SPATA6: variants seen among roughly 807,000 people sequenced by gnomAD.
SPATA6 encodes the protein spermatogenesis associated 6.
Under a neutral mutation model 65.3 loss-of-function variants are expected in SPATA6, and 56 were observed. That is an observed-to-expected ratio of 0.86 (90% CI 0.69 to 1.07). The LOEUF (loss-of-function observed/expected upper bound fraction) is 1.07. SPATA6 is among the 50% of genes least tolerant of loss of function. The pLI is 0.00. For missense variants in SPATA6, 590 were observed against 594.8 expected, an observed-to-expected ratio of 0.99 and a Z score of 0.08; for synonymous variants, 199 against 213.2, an observed-to-expected ratio of 0.93 and a Z score of 0.58.
At chr1:48,403,931 A>G (rs1173857396) in intron 5 of SPATA6, 49 bp from the exon 6 acceptor site, 1 of 1,280,752 alleles carries the variant, frequency 7.8e-7, no homozygotes, top group Non-Finnish European at 1.1e-6. Context: ...TTAAATAGAG[A>G]TAATTATTAA....
chr1:48,379,587 C>T (rs1169358086), intron 9 of SPATA6, among the ~76,000 whole-genome samples: 2 of 152,040 alleles, frequency 1.3e-5, no homozygotes, highest in Non-Finnish European at 2.9e-5. Flanking sequence ...AATGATATAT[C>T]ATATACTTGA....
chr1:48,264,408 T>C, the SPATA6 span, among the ~76,000 whole-genome samples: 1 of 152,190 alleles, frequency 6.6e-6, no homozygotes, highest in Admixed American at 6.5e-5. Flanking sequence ...CTGGGATGCA[T>C]GTGCAGAACA....
chr1:48,286,058 G>C, the SPATA6 span, among the ~76,000 whole-genome samples: 1 of 152,126 alleles, frequency 6.6e-6, no homozygotes, highest in Non-Finnish European at 1.5e-5. Context: ...GGATTACACT[G>C]TTTTGTTTAT....
chr1:48,333,418 G>A (rs1035486059), intron 11 of SPATA6, among the ~76,000 whole-genome samples: 2 of 152,170 alleles, frequency 1.3e-5, no homozygotes, highest in Non-Finnish European at 2.9e-5. Flanking sequence ...CTCAGAATGA[G>A]CCACTACTGG....
intron 3 of SPATA6, among the ~76,000 whole-genome samples, chr1:48,424,568 T>C (rs12141217): frequency 0.078 from 11,844 of 152,274 alleles, 622 homozygotes; most frequent in East Asian, 0.23. Context: ...CTCCACACTG[T>C]TCTCCACAGT....
At chr1:48,426,063 A>C (rs1653806242) in intron 3 of SPATA6, among the ~76,000 whole-genome samples, 1 of 152,234 alleles carries the variant, frequency 6.6e-6, no homozygotes, top group Admixed American at 6.5e-5. Flanking sequence ...GTGGGACAAG[A>C]TACTTGAAAC....
the SPATA6 span, among the ~76,000 whole-genome samples, chr1:48,273,095 T>C: frequency 6.6e-6 from 1 of 152,228 alleles, no homozygotes; most frequent in African/African-American, 2.4e-5. Flanking sequence ...TTGTTTGCTA[T>C]ACAGAAGCTT....
chr1:48,269,809 T>C, the SPATA6 span, among the ~76,000 whole-genome samples: 1 of 151,330 alleles, frequency 6.6e-6, no homozygotes, highest in African/African-American at 2.4e-5. Context: ...AATATACATT[T>C]GGTATATAAA....
At chr1:48,317,134 T>C (rs1001673364) in intron 11 of SPATA6, among the ~76,000 whole-genome samples, 1 of 152,200 alleles carries the variant, frequency 6.6e-6, no homozygotes, top group African/African-American at 2.4e-5. Context: ...TCCTCAGGGA[T>C]CTAGAACTAG....
intron 11 of SPATA6, among the ~76,000 whole-genome samples, chr1:48,310,735 A>T (rs1352144809): frequency 6.6e-6 from 1 of 152,170 alleles, no homozygotes; most frequent in African/African-American, 2.4e-5. Context: ...AATCAACCAG[A>T]CCTAACAACA....
chr1:48,431,590 A>G (rs559701356), intron 3 of SPATA6, among the ~76,000 whole-genome samples: 67 of 152,356 alleles, frequency 4.4e-4, no homozygotes, highest in Non-Finnish European at 9.0e-4. Flanking sequence ...ATATTCTCTA[A>G]CCACAATGGG....
chr1:48,432,692 G>A (rs1277077497), intron 3 of SPATA6, among the ~76,000 whole-genome samples: 1 of 152,098 alleles, frequency 6.6e-6, no homozygotes, highest in East Asian at 1.9e-4. Context: ...AATGTAAAAT[G>A]ATACAGCTAC....
At chr1:48,342,125 A>T (rs1646232507) in intron 11 of SPATA6, among the ~76,000 whole-genome samples, 1 of 152,180 alleles carries the variant, frequency 6.6e-6, no homozygotes, top group South Asian at 2.1e-4. Context: ...ATACGTTCAG[A>T]TTTGTATACT....
chr1:48,362,679 A>AAGAG (rs386366922), intron 9 of SPATA6, among the ~76,000 whole-genome samples: 24 of 151,896 alleles, frequency 1.6e-4, no homozygotes, highest in African/African-American at 5.3e-4. Context: ...ATTCAAAGGA[A>AAGAG]AGACTTCTAA....
the SPATA6 span, among the ~76,000 whole-genome samples, chr1:48,282,091 C>A: frequency 6.6e-6 from 1 of 152,122 alleles, no homozygotes; most frequent in African/African-American, 2.4e-5. Context: ...GGAAAGGATT[C>A]CCTATTTAAT....
rs144263495 is a variant in SPATA6, at chr1:48,331,479, T to G, written c.1194+24191A>C. On this transcript the variant is annotated intron_variant, in intron 11 of 12. Transcript: ENST00000371847. Reference sequence around the variant, plus strand: ...AAGCTGATGAAAGAATCTAAGGGCTTGAAGACTGGCTTTCTCAAATACAAC... The same window carrying G: ...AAGCTGATGAAAGAATCTAAGGGCTGGAAGACTGGCTTTCTCAAATACAAC... Among the ~76,000 whole-genome samples, 37 of 150,590 alleles carry G rather than the reference T, an allele frequency of 2.5e-4. No individual in the cohort carries two copies. In the East Asian group the frequency reaches 7.2e-3, roughly 29 times the overall value.
At chr1:48,361,717 ATTAT>A (rs1646818939) in intron 9 of SPATA6, among the ~76,000 whole-genome samples, 1 of 152,190 alleles carries the variant, frequency 6.6e-6, no homozygotes, top group Admixed American at 6.6e-5. Context: ...CAGATCTTCC[ATTAT>A]TTATTTAAAC....
intron 3 of SPATA6, among the ~76,000 whole-genome samples, chr1:48,440,547 G>A (rs1052763256): frequency 5.3e-5 from 8 of 152,154 alleles, no homozygotes; most frequent in African/African-American, 1.2e-4. Flanking sequence ...CGTCGACTCC[G>A]ATCATGGGGA....
chr1:48,287,809 A>C, the SPATA6 span, among the ~76,000 whole-genome samples: 1 of 152,224 alleles, frequency 6.6e-6, no homozygotes, highest in Admixed American at 6.5e-5. Flanking sequence ...ATGCAAAAAC[A>C]AACTAACACA....
Sources: gnomAD v4.1 joint callset for allele counts (sites outside exome capture counted in the v4.1 genomes callset) on GRCh38, gnomAD v4.1.1 for gene constraint, MANE v1.5 for transcripts, NCBI Gene and HGNC (gene_info 2026-07-23, HGNC 2026-07-21) for gene names.